The following SRPK2 variants were observed in gnomAD, a reference collection of about 807,000 sequenced individuals.
The protein encoded by SRPK2 is SFRS protein kinase 2.
A neutral mutation model predicts 90.8 loss-of-function variants in SRPK2; 21 were observed. The observed-to-expected ratio is 0.23, with a 90% CI of 0.16 to 0.33. The LOEUF (loss-of-function observed/expected upper bound fraction) is 0.33. Among genes scored for constraint, SRPK2 ranks in the 10% least tolerant of loss-of-function variants. SRPK2 has a pLI of 1.00. For missense variants in SRPK2, 620 were observed against 869.0 expected (o/e 0.71, Z 3.60); for synonymous variants, 288 against 311.1 (o/e 0.93, Z 0.78).
rs1012153178 is a variant in SRPK2 at position 105,310,536 on chromosome 7, C to T, written c.71+78112G>A. 4.6e-5 allele frequency among the ~76,000 whole-genome samples: 7 copies of T among 151,876 alleles called. No individual in the cohort carries two copies. In the East Asian group the frequency reaches 1.3e-3, roughly 29 times the overall value. On this transcript the variant is annotated intron_variant, in intron 2 of 15. Coordinates refer to ENST00000393651, the MANE Select transcript of SRPK2 (RefSeq NM_182692.3). Reference sequence around the variant, plus strand: ...GCACACTCCTGTAGTTCCAGCTACTCGAGAGACTAAGGAGAGAGGATTGTT... The same window carrying T: ...GCACACTCCTGTAGTTCCAGCTACTTGAGAGACTAAGGAGAGAGGATTGTT...
chr7:105,330,329 T>C (rs1814156270), intron 2 of SRPK2, among the ~76,000 whole-genome samples: 1 of 151,430 alleles, frequency 6.6e-6, no homozygotes, highest in African/African-American at 2.4e-5. Context: ...AGATCGAGAC[T>C]CTGTCTCAAA....
intron 2 of SRPK2, among the ~76,000 whole-genome samples, chr7:105,222,863 G>C (rs1325424556): frequency 6.6e-6 from 1 of 151,974 alleles, no homozygotes; most frequent in East Asian, 1.9e-4. Flanking sequence ...AATTAGCAGA[G>C]AAATTTATAA....
intron 2 of SRPK2, among the ~76,000 whole-genome samples, chr7:105,248,666 C>T (rs1218461145): frequency 2.6e-5 from 4 of 151,960 alleles, no homozygotes; most frequent in Non-Finnish European, 5.9e-5. Context: ...TTAGTCCGGG[C>T]GCGATGGCTC....
chr7:105,301,848 A>G, intron 2 of SRPK2: 1 of 1,564,328 alleles, frequency 6.4e-7, no homozygotes, highest in South Asian at 1.1e-5. Flanking sequence ...CAATAAGAGC[A>G]GTTCATGGAG....
At chr7:105,312,567 C>T (rs920491642) in intron 2 of SRPK2, among the ~76,000 whole-genome samples, 2 of 152,084 alleles carry the variant, frequency 1.3e-5, no homozygotes, top group African/African-American at 4.8e-5. Context: ...CTCAGCCCTG[C>T]ACCTCAGATG....
At chr7:105,175,665 T>C (rs1039359981) in intron 3 of SRPK2, among the ~76,000 whole-genome samples, 6 of 152,072 alleles carry the variant, frequency 3.9e-5, no homozygotes, top group Non-Finnish European at 7.4e-5. Context: ...CAAATTACCA[T>C]CATGAGCAAT....
chr7:105,150,125 C>T (rs1805419404), intron 7 of SRPK2, among the ~76,000 whole-genome samples: 1 of 151,866 alleles, frequency 6.6e-6, no homozygotes, highest in Non-Finnish European at 1.5e-5. Context: ...CTAGTAAGTA[C>T]CAGTGAAGTA....
At chr7:105,140,473 C>T (rs1380092018) in intron 11 of SRPK2, among the ~76,000 whole-genome samples, 1 of 151,506 alleles carries the variant, frequency 6.6e-6, no homozygotes, top group Non-Finnish European at 1.5e-5. Context: ...TGGTGACGGG[C>T]GCCTGTAATC....
At chr7:105,306,334 T>C (rs779454866) in intron 2 of SRPK2, 20 of 352,074 alleles carry the variant, frequency 5.7e-5, no homozygotes, top group Non-Finnish European at 1.0e-4. Flanking sequence ...CATCTCTGAA[T>C]ACCATAGTTT....
At chr7:105,165,920 G>A (rs1028868233) in intron 6 of SRPK2, among the ~76,000 whole-genome samples, 16 of 152,056 alleles carry the variant, frequency 1.1e-4, no homozygotes, top group Non-Finnish European at 2.1e-4. Flanking sequence ...TGAAGTCAGC[G>A]AGACCACGAA....
At chr7:105,152,388 G>T (rs561158493) in intron 7 of SRPK2, among the ~76,000 whole-genome samples, 1 of 152,084 alleles carries the variant, frequency 6.6e-6, no homozygotes, top group Non-Finnish European at 1.5e-5. Context: ...GACCTCAGGT[G>T]ATCTACACAT....
chr7:105,346,441 T>G (rs1046667719), intron 2 of SRPK2, among the ~76,000 whole-genome samples: 1 of 151,954 alleles, frequency 6.6e-6, no homozygotes, highest in African/African-American at 2.4e-5. Context: ...GTCAATAAAC[T>G]GTAAGTCTCC....
intron 2 of SRPK2, among the ~76,000 whole-genome samples, chr7:105,276,920 T>C (rs745509980): frequency 6.6e-6 from 1 of 152,162 alleles, no homozygotes; most frequent in Non-Finnish European, 1.5e-5. Flanking sequence ...TCCACCTTAA[T>C]GCTCCACTAT....
At chr7:105,196,142 A>T (rs1207593302) in intron 3 of SRPK2, among the ~76,000 whole-genome samples, 1 of 152,248 alleles carries the variant, frequency 6.6e-6, no homozygotes, top group Non-Finnish European at 1.5e-5. Flanking sequence ...TCTCCATAAA[A>T]GAAATGTAAT....
At chr7:105,264,698 G>C (rs535401569) in intron 2 of SRPK2, among the ~76,000 whole-genome samples, 3 of 152,136 alleles carry the variant, frequency 2.0e-5, no homozygotes, top group Non-Finnish European at 4.4e-5. Context: ...TATCCTTTCC[G>C]TATCTGTTCC....
At chr7:105,258,511 G>A (rs974246255) in intron 2 of SRPK2, among the ~76,000 whole-genome samples, 2 of 151,728 alleles carry the variant, frequency 1.3e-5, no homozygotes, top group African/African-American at 4.8e-5. Context: ...ACTAATATTT[G>A]GGATGTAAAT....
chr7:105,167,809 C>T (rs970824377), intron 5 of SRPK2, among the ~76,000 whole-genome samples, 199 bp downstream of exon 5: 9 of 152,050 alleles, frequency 5.9e-5, no homozygotes, highest in Non-Finnish European at 1.3e-4. Flanking sequence ...TGGGGTTTCA[C>T]CGTGTTTGCC....
intron 2 of SRPK2, among the ~76,000 whole-genome samples, chr7:105,239,399 GTCAC>G (rs1168898520): frequency 1.3e-5 from 2 of 152,106 alleles, no homozygotes; most frequent in African/African-American, 4.8e-5. Flanking sequence ...CTTTGCATAG[GTCAC>G]TCAAATAAAA....
chr7:105,270,800 A>AACATATATC (rs1347934503), intron 2 of SRPK2, among the ~76,000 whole-genome samples: 3 of 152,190 alleles, frequency 2.0e-5, no homozygotes, highest in African/African-American at 7.2e-5. Context: ...TGAGGATAAT[A>AACATATATC]ACATATATCT....
Sources: allele counts gnomAD v4.1 joint callset (sites outside exome capture counted in the v4.1 genomes callset), GRCh38; gene constraint gnomAD v4.1.1; transcripts MANE v1.5; gene names NCBI Gene and HGNC (gene_info 2026-07-23, HGNC 2026-07-21).